The following ERCC6L2 variants were observed in gnomAD, a reference collection of about 807,000 sequenced individuals.
The protein encoded by ERCC6L2 is DNA excision repair protein ERCC-6-like 2.
ERCC6L2 carries 77 observed loss-of-function variants against 132.0 expected under a neutral mutation model. The ratio of observed to expected loss-of-function variants is 0.58; its 90% confidence interval spans 0.49 to 0.71. The LOEUF is 0.71. Among genes scored for constraint, ERCC6L2 ranks in the 30% least tolerant of loss-of-function variants. ERCC6L2 has a pLI of 0.00. For missense variants in ERCC6L2, 1,542 were observed against 1,837.6 expected, an observed-to-expected ratio of 0.84 and a Z score of 2.94; for synonymous variants, 583 against 632.4, an observed-to-expected ratio of 0.92 and a Z score of 1.17.
chr9:95,907,300 T>C (rs1829089613), intron 4 of ERCC6L2, 29 bp downstream of exon 4: 2 of 1,513,842 alleles, frequency 1.3e-6, no homozygotes, highest in South Asian at 1.2e-5. Context: ...ATAGGAATGA[T>C]TGTATTAATA....
chr9:95,949,694 C>T (rs1224909717), intron 12 of ERCC6L2, among the ~76,000 whole-genome samples: 1 of 152,106 alleles, frequency 6.6e-6, no homozygotes, highest in East Asian at 1.9e-4. Flanking sequence ...TGAGGGAGTT[C>T]ATTACCACTA....
intron 18 of ERCC6L2, 145 bp from the exon 19 acceptor site, chr9:96,012,080 C>T (rs1224430148): frequency 1.5e-5 from 6 of 395,242 alleles, no homozygotes; most frequent in Admixed American, 9.5e-5. Flanking sequence ...GGATAAAATG[C>T]GTTTTCATTG....
In ERCC6L2 at chr9:96,016,320, T is replaced by G. The variant is rs1834184875; in HGVS notation, c.*3117T>G. Among the ~76,000 whole-genome samples the G allele has an allele frequency of 6.6e-6, 1 of 152,248 alleles. No homozygotes were observed. Among genetic ancestry groups the G allele is most frequent in the Non-Finnish European group, 1.5e-5 (1 of 68,042 alleles). ...ACACCACTGTGGCTCCATGGAGCAC[T>G]AATTTGAAAACCACAGAGATGAGAT... On this transcript the variant is annotated 3_prime_UTR_variant, in exon 19 of 19. Coordinates refer to ENST00000653738, the MANE Select transcript of ERCC6L2 (RefSeq NM_020207.7).
At chr9:96,030,336 T>C (rs1438991016) in intron 19 of ERCC6L2, among the ~76,000 whole-genome samples, 2 of 152,114 alleles carry the variant, frequency 1.3e-5, no homozygotes, top group African/African-American at 4.8e-5. Context: ...CGGGTTCCCT[T>C]CCATGCTGTG....
intron 18 of ERCC6L2, among the ~76,000 whole-genome samples, chr9:96,011,653 T>C (rs1413115268): frequency 6.6e-6 from 1 of 152,236 alleles, no homozygotes; most frequent in African/African-American, 2.4e-5. Flanking sequence ...AGCTTAGGTG[T>C]CCATGCCAAC....
chr9:95,898,242 A>G (rs1200601376), intron 3 of ERCC6L2, among the ~76,000 whole-genome samples: 1 of 152,084 alleles, frequency 6.6e-6, no homozygotes, highest in Non-Finnish European at 1.5e-5. Flanking sequence ...CTGGATTTAC[A>G]TGATTTACTT....
chr9:96,013,513 C>T lies in ERCC6L2; in HGVS notation c.*310C>T, dbSNP rs184072163. The T allele has an allele frequency of 2.2e-4, 41 of 184,392 alleles. No homozygotes were observed. The East Asian group carries it at 4.6e-3, about 20-fold the overall frequency. 11.4% of individuals were successfully genotyped at this position (184,392 alleles called of 1,614,324 possible). On this transcript the variant is annotated 3_prime_UTR_variant, in exon 19 of 19. Coordinates refer to ENST00000653738, the MANE Select transcript of ERCC6L2 (RefSeq NM_020207.7). The stretch of plus-strand genomic sequence containing the variant: ...TTACATAATGATGTGACACTTGCCC[C>T]GGTGAGCATTGTTTCCCAGTATGAA...
chr9:95,971,271 T>G (rs746784604), intron 15 of ERCC6L2, among the ~76,000 whole-genome samples: 1 of 152,164 alleles, frequency 6.6e-6, no homozygotes, highest in Non-Finnish European at 1.5e-5. Flanking sequence ...TTTAGAGAAA[T>G]ATATGAATCT....
chr9:96,031,445 C>T (rs1019428128), intron 19 of ERCC6L2, among the ~76,000 whole-genome samples: 1 of 152,342 alleles, frequency 6.6e-6, no homozygotes, highest in Middle Eastern at 3.4e-3. Context: ...AAATAACCAA[C>T]ATGATGTATC....
intron 19 of ERCC6L2, among the ~76,000 whole-genome samples, chr9:96,023,524 G>A (rs922777452): frequency 2.0e-5 from 3 of 152,208 alleles, no homozygotes; most frequent in Non-Finnish European, 4.4e-5. Flanking sequence ...CTGGCCACAC[G>A]TATGTAGACA....
intron 12 of ERCC6L2, among the ~76,000 whole-genome samples, chr9:95,947,901 A>G (rs904742635): frequency 6.6e-6 from 1 of 152,354 alleles, no homozygotes; most frequent in Non-Finnish European, 1.5e-5. Flanking sequence ...ATTTCTTTCC[A>G]AATATTAACT....
intron 19 of ERCC6L2, among the ~76,000 whole-genome samples, chr9:96,038,629 G>A (rs528068979): frequency 4.0e-4 from 61 of 152,316 alleles, no homozygotes; most frequent in Non-Finnish European, 8.1e-4. Context: ...GACTTTGTTC[G>A]AGTGAAGGCT....
In ERCC6L2 at chr9:95,972,783, A is replaced by G; in HGVS notation, c.3032A>G (p.Lys1011Arg). Residue 1011 changes from lysine (K) to arginine (R), a missense_variant, in exon 16 of 19, where the codon AAA becomes AGA. Transcript: ENST00000653738. ...TTTAAGAGAATAAAAGAAACCAAAA[A>G]AGAACTTCACAATTCTCCCAAAACA... ...LRFKRIKETK[K>R]ELHNSPKTMN... 7.7e-7 allele frequency: 1 copy of G among 1,304,136 alleles called. No individual in the cohort carries two copies. The highest frequency in any genetic ancestry group is 1.0e-6 in the Non-Finnish European group (1 of 988,880). 80.8% of individuals were successfully genotyped at this position (1,304,136 alleles called of 1,614,324 possible).
At chr9:95,993,168 A>G (rs1007637807) in intron 17 of ERCC6L2, among the ~76,000 whole-genome samples, 1 of 152,166 alleles carries the variant, frequency 6.6e-6, no homozygotes, top group Admixed American at 6.5e-5. Flanking sequence ...CAAATCTTTC[A>G]TTATCCCCAA....
intron 4 of ERCC6L2, 35 bp from the exon 5 acceptor site, chr9:95,915,633 T>C: frequency 6.4e-7 from 1 of 1,568,270 alleles, no homozygotes; most frequent in Non-Finnish European, 8.6e-7. Flanking sequence ...AAGGAAGTTT[T>C]CTCAACCTCA....
At chr9:95,933,350 C>T (rs1830421988) in intron 11 of ERCC6L2, among the ~76,000 whole-genome samples, 1 of 152,124 alleles carries the variant, frequency 6.6e-6, no homozygotes, top group East Asian at 1.9e-4. Context: ...AGAGTTCAGT[C>T]AAGTCTCTAT....
chr9:95,912,311 A>G lies in ERCC6L2; in HGVS notation c.789-3357A>G, dbSNP rs529211363. 3.3e-5 allele frequency among the ~76,000 whole-genome samples: 5 copies of G among 152,166 alleles called. No homozygotes were observed. The East Asian group carries it at 9.6e-4, about 29-fold the overall frequency. On this transcript the variant is annotated intron_variant, in intron 4 of 18. Transcript: ENST00000653738. ...TTCTAGCTTTTTTCAGCTTTATATT[A>G]AGAAAATGATGAAACCTATAGAAAA...
rs546543707 is a variant in ERCC6L2 at position 95,953,277 on chromosome 9, A to G, written c.1848-2637A>G. ...GGAAATCAAGAGAGAAAAATTTGCT[A>G]TTTAGAAACAACAATGAGGCCGGTT... On this transcript the variant is annotated intron_variant, in intron 12 of 18. Transcript: ENST00000653738. Among the ~76,000 whole-genome samples, 3 of 152,270 alleles carry G rather than the reference A, an allele frequency of 2.0e-5. No homozygotes were observed. In the South Asian group the frequency reaches 6.2e-4, roughly 32 times the overall value.
intron 12 of ERCC6L2, among the ~76,000 whole-genome samples, chr9:95,943,251 AT>A (rs1830889022): frequency 6.6e-6 from 1 of 152,140 alleles, no homozygotes; most frequent in African/African-American, 2.4e-5. Flanking sequence ...AATTTTGATA[AT>A]TGTCAGAATA....
Sources: allele counts gnomAD v4.1 joint callset (sites outside exome capture counted in the v4.1 genomes callset), GRCh38; gene constraint gnomAD v4.1.1; transcripts MANE v1.5; gene names NCBI Gene and HGNC (gene_info 2026-07-23, HGNC 2026-07-21).